MGAT5: variants seen among roughly 807,000 people sequenced by gnomAD.
The protein encoded by MGAT5 is alpha-1,6-mannosylglycoprotein 6-beta-N-acetylglucosaminyltransferase A.
A neutral mutation model predicts 94.3 loss-of-function variants in MGAT5; 30 were observed. The ratio of observed to expected loss-of-function variants is 0.32; its 90% CI spans 0.24 to 0.43. The LOEUF (loss-of-function observed/expected upper bound fraction) is 0.43. Among genes scored for constraint, MGAT5 ranks in the 20% least tolerant of loss-of-function variants. MGAT5 has a pLI of 1.00. For missense variants in MGAT5, 691 were observed against 905.5 expected (o/e 0.76, Z 3.04); for synonymous variants, 310 against 322.9 (o/e 0.96, Z 0.43).
At chr2:134,407,101 C>T (rs1282485815) in intron 11 of MGAT5, among the ~76,000 whole-genome samples, 2 of 152,146 alleles carry the variant, frequency 1.3e-5, no homozygotes, top group African/African-American at 2.4e-5. Context: ...TTCCTGTTCT[C>T]GTATACCCTG....
chr2:134,252,208 G>C (rs1005946453), upstream of MGAT5, among the ~76,000 whole-genome samples: 1 of 152,176 alleles, frequency 6.6e-6, no homozygotes, highest in Non-Finnish European at 1.5e-5. Flanking sequence ...AACAGGCTGG[G>C]TTTGATTGTC....
chr2:134,221,825 A>C, intron 1 of MGAT5, among the ~76,000 whole-genome samples: 1 of 152,184 alleles, frequency 6.6e-6, no homozygotes, highest in East Asian at 1.9e-4. Flanking sequence ...TTTGAGGAAT[A>C]AAATTAGGAC....
At chr2:134,189,003 G>GGGTC (rs1242345501) in intron 1 of MGAT5, among the ~76,000 whole-genome samples, 3 of 152,242 alleles carry the variant, frequency 2.0e-5, no homozygotes, top group African/African-American at 7.2e-5. Flanking sequence ...ATGTCTGGGA[G>GGGTC]GGTCGCGAAT....
chr2:134,268,216 G>A lies in MGAT5; in HGVS notation c.242-2170G>A, dbSNP rs1683832780. 6.6e-6 allele frequency among the ~76,000 whole-genome samples: 1 copy of A among 152,210 alleles called. No individual in the cohort carries two copies. The highest frequency in any genetic ancestry group is 2.1e-4 in the South Asian group (1 of 4,828). On this transcript the variant is annotated intron_variant, in intron 1 of 15. Coordinates refer to ENST00000281923, the MANE Select transcript of MGAT5 (RefSeq NM_002410.5). This position sits in a 1 kb window ranked among gnomAD's most constrained non-coding sequence, Gnocchi z 4.1. ...GTCACACTAGAGGGCCAGGGCTTCT[G>A]TGCTTGGCCAACTACAATTACCGGT...
At chr2:134,136,094 C>T (rs1686397454) in intron 1 of MGAT5, among the ~76,000 whole-genome samples, 1 of 152,144 alleles carries the variant, frequency 6.6e-6, no homozygotes, top group South Asian at 2.1e-4. Flanking sequence ...CTGTTTGTGA[C>T]TTTGTCACCA....
chr2:134,175,095 C>T lies in MGAT5; in HGVS notation c.-143+54804C>T, dbSNP rs192465384. Among the ~76,000 whole-genome samples, 55 of 152,304 alleles carry T rather than the reference C, an allele frequency of 3.6e-4. 1 individual carries two copies. The highest frequency in any genetic ancestry group is 4.6e-4 in the Non-Finnish European group (31 of 68,030). ...ATCTCCCTACCAGGGAGTATGTGTC[C>T]GGGTGTGTGGAGCAGCAGAGCAGTG... is the stretch of plus-strand genomic sequence containing the variant. On this transcript the variant is annotated intron_variant, in intron 1 of 16. Transcript: ENST00000409645.
intron 1 of MGAT5, among the ~76,000 whole-genome samples, chr2:134,142,987 G>T (rs564706938): frequency 6.0e-4 from 91 of 152,112 alleles, no homozygotes; most frequent in Non-Finnish European, 9.6e-4. Context: ...CGAGATTTTA[G>T]AGATACAGGC....
intron 14 of MGAT5, among the ~76,000 whole-genome samples, chr2:134,436,278 T>C (rs1040348327): frequency 6.6e-6 from 1 of 152,174 alleles, no homozygotes; most frequent in Non-Finnish European, 1.5e-5. Flanking sequence ...CCTGCCACCT[T>C]CAGGCCTCCC....
intron 11 of MGAT5, 74 bp downstream of exon 11, chr2:134,403,211 C>T: frequency 6.9e-7 from 1 of 1,443,336 alleles, no homozygotes; most frequent in Non-Finnish European, 9.2e-7. Flanking sequence ...ATATTTCATG[C>T]TTGTTTTTCA....
intron 2 of MGAT5, among the ~76,000 whole-genome samples, chr2:134,273,518 T>G (rs1338537585): frequency 6.6e-6 from 1 of 152,208 alleles, no homozygotes; most frequent in Non-Finnish European, 1.5e-5. Flanking sequence ...TGTGTCTTAT[T>G]GCTTGCTAAT....
At chr2:134,170,928 G>A (rs769487847) in intron 1 of MGAT5, among the ~76,000 whole-genome samples, 3 of 149,850 alleles carry the variant, frequency 2.0e-5, no homozygotes, top group East Asian at 2.0e-4. Flanking sequence ...GTGCAATTTC[G>A]GCTCACTGTA....
chr2:134,263,752 A>G (rs1270466712), intron 1 of MGAT5, among the ~76,000 whole-genome samples: 1 of 152,166 alleles, frequency 6.6e-6, no homozygotes, highest in Non-Finnish European at 1.5e-5. Context: ...CTATGTATAT[A>G]TATTTAAAAT....
intron 10 of MGAT5, among the ~76,000 whole-genome samples, chr2:134,375,700 G>C (rs1681124044): frequency 6.6e-6 from 1 of 152,174 alleles, no homozygotes; most frequent in South Asian, 2.1e-4. Flanking sequence ...TTTAAATGAA[G>C]TTAAAAATTG....
chr2:134,447,769 C>T (rs1685874467), intron 15 of MGAT5, among the ~76,000 whole-genome samples: 2 of 152,220 alleles, frequency 1.3e-5, no homozygotes, highest in South Asian at 2.1e-4. Context: ...ATATCCTTGG[C>T]CCCCCTACGC....
At chr2:134,266,848 A>G (rs1460224352) in intron 1 of MGAT5, among the ~76,000 whole-genome samples, 1 of 152,212 alleles carries the variant, frequency 6.6e-6, no homozygotes, top group Non-Finnish European at 1.5e-5. Context: ...TTTTTCTTTC[A>G]TATTGGGAGA....
chr2:134,188,673 T>G (rs1488063402), intron 1 of MGAT5, among the ~76,000 whole-genome samples: 1 of 152,140 alleles, frequency 6.6e-6, no homozygotes, highest in East Asian at 1.9e-4. Flanking sequence ...AAGGAGGTGG[T>G]GGGGGTGTGT....
chr2:134,355,995 A>G (rs1194454290), intron 9 of MGAT5, among the ~76,000 whole-genome samples: 1 of 152,264 alleles, frequency 6.6e-6, no homozygotes, highest in African/African-American at 2.4e-5. Flanking sequence ...TCATTACCAT[A>G]GAGCATTTAC....
chr2:134,173,677 A>C (rs998341590), intron 1 of MGAT5, among the ~76,000 whole-genome samples: 1 of 152,162 alleles, frequency 6.6e-6, no homozygotes, highest in Admixed American at 6.5e-5. Flanking sequence ...TCTCAGGAAT[A>C]ACTACCGAAA....
chr2:134,122,868 C>A (rs1012425098), intron 1 of MGAT5, among the ~76,000 whole-genome samples: 5 of 152,264 alleles, frequency 3.3e-5, no homozygotes, highest in Admixed American at 2.0e-4. Context: ...CTGCCCAGAT[C>A]TGCCGGTGGC....
Sources: allele counts gnomAD v4.1 joint callset (sites outside exome capture counted in the v4.1 genomes callset), GRCh38; gene constraint gnomAD v4.1.1; non-coding constraint Gnocchi (gnomAD v3.1); transcripts MANE v1.5; gene names NCBI Gene and HGNC (gene_info 2026-07-23, HGNC 2026-07-21).